ZNF423: variants seen among roughly 807,000 people sequenced by gnomAD.
The protein encoded by ZNF423 is zinc finger protein 423.
A neutral mutation model predicts 95.8 loss-of-function variants in ZNF423; 12 were observed. The ratio of observed to expected loss-of-function variants is 0.13; its 90% CI spans 0.08 to 0.20. The LOEUF (loss-of-function observed/expected upper bound fraction) is 0.20, where lower values mean the gene tolerates loss of function less well. Among genes scored for constraint, ZNF423 ranks in the 10% least tolerant of loss-of-function variants. The pLI is 1.00. For missense variants in ZNF423, 1,316 were observed against 1,737.1 expected (o/e 0.76, Z 4.31); for synonymous variants, 749 against 711.9 (o/e 1.05, Z -0.83).
intron 3 of ZNF423, among the ~76,000 whole-genome samples, chr16:49,675,625 G>A (rs539061544): frequency 2.6e-4 from 40 of 152,176 alleles, no homozygotes; most frequent in Non-Finnish European, 5.1e-4. Flanking sequence ...AAATGTTCTA[G>A]TTAATTAAAA....
intron 1 of ZNF423, among the ~76,000 whole-genome samples, chr16:49,797,460 C>T (rs1201301991): frequency 3.3e-5 from 5 of 152,328 alleles, no homozygotes; most frequent in African/African-American, 7.2e-5. Flanking sequence ...TTTGGCATCA[C>T]GCTCCTAGGT....
chr16:49,710,599 ACAGCACCTCTGTGCAGAGCAGCCGGGTGC>A (rs1176367920), intron 3 of ZNF423, among the ~76,000 whole-genome samples: 2 of 152,178 alleles, frequency 1.3e-5, no homozygotes, highest in Non-Finnish European at 2.9e-5. Context: ...GTGAGATGGC[ACAGCACCTCTGTGCAGAGCAGCCGGGTGC>A]CACTGGAATG....
At chr16:49,777,890 A>T (rs1353558343) in intron 2 of ZNF423, among the ~76,000 whole-genome samples, 2 of 152,208 alleles carry the variant, frequency 1.3e-5, no homozygotes, top group African/African-American at 4.8e-5. Context: ...TGTTATTGTT[A>T]AGACAGTGAT....
intron 2 of ZNF423, among the ~76,000 whole-genome samples, chr16:49,749,654 A>G (rs2033595854): frequency 6.6e-6 from 1 of 152,040 alleles, no homozygotes; most frequent in South Asian, 2.1e-4. Flanking sequence ...ACCTTTCTAC[A>G]CTTTGTTCCA....
At chr16:49,756,318 G>A (rs1363901376) in intron 2 of ZNF423, among the ~76,000 whole-genome samples, 1 of 152,202 alleles carries the variant, frequency 6.6e-6, no homozygotes, top group Non-Finnish European at 1.5e-5. Context: ...TCTCTTTGGA[G>A]GGACTGTCAT....
Position 49,688,184 on chromosome 16 carries a change from C to T in ZNF423, c.301+42587G>A, listed in dbSNP as rs571964338. ...CTGAGGCCCGGCTGTTTGAGCTCAG[C>T]GGCAGAAAAAAGGATTGCCCAGGGA... On this transcript the variant is annotated intron_variant, in intron 3 of 7. Transcript: ENST00000563137. Among the ~76,000 whole-genome samples, 817 of 151,244 alleles carry T rather than the reference C, an allele frequency of 5.4e-3. 3 individuals are homozygous for T. The highest frequency in any genetic ancestry group is 8.5e-3 in the Non-Finnish European group (575 of 67,850).
At chr16:49,500,749 A>C (rs1967363322) in intron 7 of ZNF423, among the ~76,000 whole-genome samples, 1 of 151,996 alleles carries the variant, frequency 6.6e-6, no homozygotes, top group Non-Finnish European at 1.5e-5. Flanking sequence ...TCTACGAAAA[A>C]AAAAAAAAAT....
rs538818271 is a variant in ZNF423, at chr16:49,839,127, C to A, written c.40+16608G>T. ...TTCTTCCTCCTCTCCGACCCTTGAC[C>A]CCTTCCCCTCCCCCGCGGTTTCTCC... On this transcript the variant is annotated intron_variant, in intron 1 of 7. Coordinates refer to ENST00000563137, the MANE Select transcript of ZNF423 (RefSeq NM_001379286.1). Among the ~76,000 whole-genome samples, 15 of 149,292 alleles carry A rather than the reference C, an allele frequency of 1.0e-4. No homozygotes were observed. The South Asian group carries it at 1.9e-3, about 19-fold the overall frequency.
intron 5 of ZNF423, among the ~76,000 whole-genome samples, chr16:49,584,490 C>G (rs1285767110): frequency 6.6e-6 from 1 of 152,186 alleles, no homozygotes; most frequent in Non-Finnish European, 1.5e-5. Context: ...TAGGAATTGT[C>G]TGTACTCATA....
intron 3 of ZNF423, among the ~76,000 whole-genome samples, chr16:49,669,435 A>T (rs1190587786): frequency 6.6e-6 from 1 of 152,166 alleles, no homozygotes; most frequent in African/African-American, 2.4e-5. Flanking sequence ...AATGAGTGGG[A>T]TATGGGGCAC....
intron 2 of ZNF423, among the ~76,000 whole-genome samples, chr16:49,789,082 G>A (rs2034366594): frequency 6.6e-6 from 1 of 152,212 alleles, no homozygotes; most frequent in African/African-American, 2.4e-5. Context: ...AGAATGCAGA[G>A]CAGCCCCTTC....
intron 2 of ZNF423, among the ~76,000 whole-genome samples, chr16:49,740,020 G>A (rs901040352): frequency 2.0e-5 from 3 of 151,912 alleles, no homozygotes; most frequent in Admixed American, 6.6e-5. Flanking sequence ...CAACGCACTC[G>A]GCTAGACCCA....
chr16:49,776,363 G>T (rs2034119663), intron 2 of ZNF423, among the ~76,000 whole-genome samples: 1 of 152,194 alleles, frequency 6.6e-6, no homozygotes, highest in African/African-American at 2.4e-5. Context: ...TTCCAAGCTG[G>T]CCAGGAGCCC....
intron 5 of ZNF423, among the ~76,000 whole-genome samples, chr16:49,616,423 G>T (rs35604648): frequency 0.035 from 5,382 of 152,082 alleles, 213 homozygotes; most frequent in African/African-American, 0.098. Context: ...GCACAACAGG[G>T]TGACTACAGT....
At chr16:49,793,019 C>G (rs550570954) in intron 1 of ZNF423, among the ~76,000 whole-genome samples, 49 of 152,332 alleles carry the variant, frequency 3.2e-4, no homozygotes, top group Non-Finnish European at 7.3e-5. Context: ...ATCTCCACCT[C>G]AGCCTCCCAA....
At position 49,523,609 on chromosome 16, in the gene ZNF423, G is replaced by A. The variant is rs749394319; in HGVS notation, c.3849+15C>T. 6.2e-7 allele frequency: 1 copy of A among 1,609,406 alleles called. No homozygotes were observed. Among genetic ancestry groups the A allele is most frequent in the South Asian group, 1.1e-5 (1 of 90,982 alleles). On this transcript the variant is annotated intron_variant, in intron 7 of 7. Transcript: ENST00000563137. ...GACCATCAGGCGGCGTGGTGCAGCG[G>A]ATGTGGGCACCCACCTGCAGCTCGG... is the stretch of plus-strand genomic sequence containing the variant.
At position 49,831,146 on chromosome 16, in the gene ZNF423, C is replaced by T. The variant is rs896324148; in HGVS notation, c.40+24589G>A. Among the ~76,000 whole-genome samples the T allele has an allele frequency of 2.6e-5, 4 of 152,148 alleles. No individual in the cohort carries two copies. In the East Asian group the frequency reaches 7.7e-4, roughly 29 times the overall value. On this transcript the variant is annotated intron_variant, in intron 1 of 7. Coordinates refer to ENST00000563137, the MANE Select transcript of ZNF423 (RefSeq NM_001379286.1). The stretch of plus-strand genomic sequence containing the variant: ...CCAGAGCAGTGACATGGTCAAAGTA[C>T]AGCTCATGAAGACTGAGGCAGGGGG...
chr16:49,851,382 A>G (rs1203355865), intron 1 of ZNF423, among the ~76,000 whole-genome samples: 1 of 152,240 alleles, frequency 6.6e-6, no homozygotes, highest in Non-Finnish European at 1.5e-5. Context: ...GTTAAGAGAA[A>G]TCAATGCATC....
intron 5 of ZNF423, among the ~76,000 whole-genome samples, chr16:49,593,074 A>G (rs1198962708): frequency 2.0e-5 from 3 of 152,146 alleles, no homozygotes; most frequent in Admixed American, 2.0e-4. Flanking sequence ...GGGGGAGTGA[A>G]GAGAAGGGGG....
Sources: allele counts gnomAD v4.1 joint callset (sites outside exome capture counted in the v4.1 genomes callset), GRCh38; gene constraint gnomAD v4.1.1; transcripts MANE v1.5; gene names NCBI Gene and HGNC (gene_info 2026-07-23, HGNC 2026-07-21).